CUL1: variants seen among roughly 807,000 people sequenced by gnomAD.
The protein encoded by CUL1 is cullin 1.
Under a neutral mutation model 118.0 loss-of-function variants are expected in CUL1, and 24 were observed. That is an observed-to-expected ratio of 0.20 (90% CI 0.15 to 0.29). The LOEUF (loss-of-function observed/expected upper bound fraction) is 0.29, where lower values mean the gene tolerates loss of function less well. Among genes scored for constraint, CUL1 ranks in the 10% least tolerant of loss-of-function variants. The pLI is 1.00. For missense variants in CUL1, 361 were observed against 933.8 expected (o/e 0.39, Z 7.99); for synonymous variants, 332 against 340.4 (o/e 0.98, Z 0.27).
At chr7:148,758,296 G>A (rs557355053) in intron 4 of CUL1, among the ~76,000 whole-genome samples, 10 of 152,340 alleles carry the variant, frequency 6.6e-5, no homozygotes, top group African/African-American at 2.4e-4. Context: ...ACATAAAGGA[G>A]TTAATCACCA....
At chr7:148,715,520 C>T (rs1798187175) in intron 1 of CUL1, among the ~76,000 whole-genome samples, 1 of 152,110 alleles carries the variant, frequency 6.6e-6, no homozygotes, top group African/African-American at 2.4e-5. Context: ...CCTCCTGGTT[C>T]TCTTATATAT....
chr7:148,782,905 C>G (rs1423998112), intron 9 of CUL1, among the ~76,000 whole-genome samples: 6 of 152,194 alleles, frequency 3.9e-5, no homozygotes, highest in Non-Finnish European at 8.8e-5. Flanking sequence ...ACCAACCTTC[C>G]CAGCCGGGCT....
intron 2 of CUL1, among the ~76,000 whole-genome samples, chr7:148,742,156 G>C (rs1318986553): frequency 6.6e-6 from 1 of 152,216 alleles, no homozygotes; most frequent in Non-Finnish European, 1.5e-5. Flanking sequence ...GATTCTGATA[G>C]GGATTACATT....
At chr7:148,702,384 C>T (rs1048219777) in intron 1 of CUL1, among the ~76,000 whole-genome samples, 6 of 152,150 alleles carry the variant, frequency 3.9e-5, no homozygotes, top group Non-Finnish European at 8.8e-5. Flanking sequence ...TATATTTCCT[C>T]GTTTTTAAAA....
rs75964884 is a variant in CUL1, at chr7:148,730,414, A to G, written c.140+152A>G. The G allele has an allele frequency of 2.8e-3, 2,561 of 904,502 alleles. 48 individuals carry two copies. The African/African-American group carries it at 0.038, about 13-fold the overall frequency. 56.0% of individuals were successfully genotyped at this position (904,502 alleles called of 1,614,324 possible). ...CATTTTTAGCCTTAAGTTTTTGAACAGAGTAGAACTGGTTCATTTTTAGTC... is the reference window on the plus strand; with the variant it reads ...CATTTTTAGCCTTAAGTTTTTGAACGGAGTAGAACTGGTTCATTTTTAGTC... On this transcript the variant is annotated intron_variant, in intron 2 of 21. Coordinates refer to ENST00000325222, the MANE Select transcript of CUL1 (RefSeq NM_003592.3).
chr7:148,766,809 G>A (rs1415219283), intron 8 of CUL1, 86 bp downstream of exon 8: 5 of 1,133,822 alleles, frequency 4.4e-6, no homozygotes, highest in Non-Finnish European at 6.3e-6. Context: ...TCGAGTCAAC[G>A]GCATTACTTG....
At chr7:148,714,952 C>G (rs1191819339) in intron 1 of CUL1, among the ~76,000 whole-genome samples, 1 of 152,132 alleles carries the variant, frequency 6.6e-6, no homozygotes, top group South Asian at 2.1e-4. Flanking sequence ...GTCACATGAT[C>G]ACAGTCCACA....
At chr7:148,754,287 T>A (rs923535468) in intron 3 of CUL1, 137 bp downstream of exon 3, 1 of 600,902 alleles carries the variant, frequency 1.7e-6, no homozygotes, top group Non-Finnish European at 2.8e-6. Flanking sequence ...GTTTTGCTAT[T>A]GCATAGTCTT....
intron 4 of CUL1, among the ~76,000 whole-genome samples, chr7:148,758,228 T>C (rs1368875824): frequency 6.6e-6 from 1 of 151,688 alleles, no homozygotes; most frequent in Non-Finnish European, 1.5e-5. Flanking sequence ...GTTCATAGGC[T>C]GTCAGATCCA....
intron 7 of CUL1, 122 bp downstream of exon 7, chr7:148,760,618 GT>G: frequency 1.4e-6 from 1 of 698,620 alleles, no homozygotes; most frequent in East Asian, 2.8e-5. Flanking sequence ...TTTCTAGAGT[GT>G]TTTTATCAGG....
chr7:148,719,534 T>G (rs1798332175), intron 1 of CUL1, among the ~76,000 whole-genome samples: 1 of 152,218 alleles, frequency 6.6e-6, no homozygotes, highest in Non-Finnish European at 1.5e-5. Context: ...ATAATCCTTC[T>G]TGGTAGATGT....
intron 15 of CUL1, among the ~76,000 whole-genome samples, chr7:148,790,027 G>T (rs1388365757): frequency 6.6e-6 from 1 of 152,240 alleles, no homozygotes; most frequent in Non-Finnish European, 1.5e-5. Context: ...GTCTGTCCCA[G>T]CTCTACAGAC....
At chr7:148,708,661 A>G (rs949512596) in intron 1 of CUL1, among the ~76,000 whole-genome samples, 1 of 152,234 alleles carries the variant, frequency 6.6e-6, no homozygotes, top group South Asian at 2.1e-4. Context: ...AAGCTTAAAA[A>G]AATCCTGAAA....
At chr7:148,797,751 T>G (rs1584827345) in intron 17 of CUL1, 61 bp from the exon 18 acceptor site, 3 of 1,219,280 alleles carry the variant, frequency 2.5e-6, no homozygotes, top group Non-Finnish European at 3.6e-6. Context: ...TTGCCTGTGG[T>G]GGTTATTGCA....
intron 2 of CUL1, among the ~76,000 whole-genome samples, chr7:148,731,252 A>T (rs529037102): frequency 6.6e-6 from 1 of 152,278 alleles, no homozygotes; most frequent in Non-Finnish European, 1.5e-5. Flanking sequence ...CACTCAGGAG[A>T]GAGGAGATTG....
chr7:148,699,658 T>C (rs1797652554), intron 1 of CUL1, among the ~76,000 whole-genome samples: 1 of 152,018 alleles, frequency 6.6e-6, no homozygotes, highest in Non-Finnish European at 1.5e-5. Context: ...GGCGCTATTA[T>C]TGGGTAACAG....
chr7:148,752,741 C>T (rs950058284), intron 2 of CUL1, among the ~76,000 whole-genome samples: 15 of 152,180 alleles, frequency 9.9e-5, no homozygotes, highest in Middle Eastern at 3.2e-3. Context: ...CTCCGCCTCC[C>T]GGGTTCATGC....
chr7:148,773,150 CTT>C (rs1774901367), intron 9 of CUL1, among the ~76,000 whole-genome samples: 1 of 152,070 alleles, frequency 6.6e-6, no homozygotes, highest in Admixed American at 6.6e-5. Flanking sequence ...TCTTTTCATC[CTT>C]TGTTTTAAAC....
intron 1 of CUL1, among the ~76,000 whole-genome samples, chr7:148,722,202 G>A (rs539437566): frequency 6.6e-6 from 1 of 152,250 alleles, no homozygotes; most frequent in South Asian, 2.1e-4. Flanking sequence ...CCTGAAGCTG[G>A]AGGTTTGAAT....
Sources: allele counts gnomAD v4.1 joint callset (sites outside exome capture counted in the v4.1 genomes callset), GRCh38; gene constraint gnomAD v4.1.1; transcripts MANE v1.5; gene names NCBI Gene and HGNC (gene_info 2026-07-23, HGNC 2026-07-21).